The following CYTH3 variants were observed in gnomAD, a reference collection of about 807,000 sequenced individuals.
The protein encoded by CYTH3 is cytohesin-3.
CYTH3 carries 23 observed loss-of-function variants against 55.1 expected under a neutral mutation model. That is an observed-to-expected ratio of 0.42 (90% CI 0.30 to 0.59). CYTH3 has a LOEUF of 0.59. Ranked by LOEUF, CYTH3 falls within the 20% of genes least tolerant of loss-of-function variation. CYTH3 has a pLI of 0.20. For missense variants in CYTH3, 413 were observed against 524.8 expected (o/e 0.79, Z 2.08); for synonymous variants, 249 against 194.9 (o/e 1.28, Z -2.31).
chr7:6,257,350 T>A (rs1450174060), intron 1 of CYTH3, among the ~76,000 whole-genome samples: 3 of 152,202 alleles, frequency 2.0e-5, no homozygotes, highest in Non-Finnish European at 4.4e-5. Context: ...CTCAAAAAAA[T>A]TTTAATCTAA....
At chr7:6,269,268 C>G (rs1453276551) in intron 1 of CYTH3, among the ~76,000 whole-genome samples, 1 of 152,172 alleles carries the variant, frequency 6.6e-6, no homozygotes, top group African/African-American at 2.4e-5. Context: ...ATGTTTGAAA[C>G]GACCTTGCCG....
chr7:6,173,007 T>G (rs1421065772), intron 6 of CYTH3: 1 of 1,084,320 alleles, frequency 9.2e-7, no homozygotes, highest in East Asian at 8.9e-5. Flanking sequence ...ATTTTCTTAG[T>G]CCAAGGGCCG....
chr7:6,194,752 G>A (rs1441059231), intron 1 of CYTH3, among the ~76,000 whole-genome samples: 3 of 152,154 alleles, frequency 2.0e-5, no homozygotes, highest in African/African-American at 4.8e-5. Context: ...CAAGGCAGGC[G>A]GATCATGACG....
At chr7:6,177,802 T>G (rs753266367) in intron 5 of CYTH3, 21 bp downstream of exon 5, 4 of 1,588,494 alleles carry the variant, frequency 2.5e-6, no homozygotes, top group Non-Finnish European at 3.5e-6. Flanking sequence ...AGGTAGGGCT[T>G]TGCATCCTCC....
chr7:6,213,154 G>A (rs1185966588), intron 1 of CYTH3, among the ~76,000 whole-genome samples: 4 of 152,202 alleles, frequency 2.6e-5, no homozygotes, highest in Non-Finnish European at 4.4e-5. Flanking sequence ...ACCAAGAACC[G>A]TGACTAGCAC....
chr7:6,222,876 T>A (rs1215999113), intron 1 of CYTH3, among the ~76,000 whole-genome samples: 1 of 151,958 alleles, frequency 6.6e-6, no homozygotes, highest in Non-Finnish European at 1.5e-5. Flanking sequence ...AAACAGCTAA[T>A]ATGACAAAAG....
chr7:6,182,919 G>C (rs1783545887), intron 4 of CYTH3, among the ~76,000 whole-genome samples: 1 of 152,146 alleles, frequency 6.6e-6, no homozygotes, highest in Non-Finnish European at 1.5e-5. Context: ...TGCTTGGTGG[G>C]TGTTTGTCTT....
intron 1 of CYTH3, among the ~76,000 whole-genome samples, chr7:6,195,672 A>C (rs1403965174): frequency 9.2e-5 from 14 of 152,126 alleles, no homozygotes; most frequent in Non-Finnish European, 2.1e-4. Context: ...ATGTCAAGCA[A>C]TGAATGAGGA....
rs942061474 is a variant in CYTH3 at position 6,169,612 on chromosome 7, C to G, written c.823+923G>C. Among the ~76,000 whole-genome samples the G allele has an allele frequency of 1.3e-5, 2 of 152,220 alleles. No homozygotes were observed. The highest frequency in any genetic ancestry group is 1.3e-4 in the Admixed American group (2 of 15,276). The stretch of plus-strand genomic sequence containing the variant: ...AAGGCTTGCGTGAACCCAGCTACCG[C>G]ATCTCGCCCGCTTCACTGTGGGCAT... On this transcript the variant is annotated intron_variant, in intron 9 of 12. Transcript: ENST00000350796. This position sits in a 1 kb window ranked among gnomAD's most constrained non-coding sequence, Gnocchi z 4.1.
At chr7:6,225,621 G>A (rs1779229028) in intron 1 of CYTH3, among the ~76,000 whole-genome samples, 1 of 151,782 alleles carries the variant, frequency 6.6e-6, no homozygotes, top group Non-Finnish European at 1.5e-5. Context: ...CTCTCAAAGT[G>A]CTGGGATTAC....
Position 6,171,068 on chromosome 7 carries a change from C to A in CYTH3, c.563-90G>T. The A allele has an allele frequency of 6.3e-7, 1 of 1,591,728 alleles. No homozygotes were observed. Among genetic ancestry groups the A allele is most frequent in the South Asian group, 1.1e-5 (1 of 89,380 alleles). ...TGGGGGCCCGCCTGCAAGAGGTGCC[C>A]GGCCCACAGGTCGTCCTCGCTCAGG... On this transcript the variant is annotated intron_variant, in intron 7 of 12. Coordinates refer to ENST00000350796, the MANE Select transcript of CYTH3 (RefSeq NM_004227.4). This position sits in a 1 kb window ranked among gnomAD's most constrained non-coding sequence, Gnocchi z 6.7.
intron 1 of CYTH3, 64 bp downstream of exon 1, chr7:6,272,410 G>GGGGGGGGGCCCCCCCCCC: frequency 1.6e-6 from 2 of 1,216,616 alleles, no homozygotes; most frequent in Non-Finnish European, 2.1e-6. Flanking sequence ...CCGCGCCCTC[G>GGGGGGGGGCCCCCCCCCC]ACCCCCAGCC....
Position 6,171,344 on chromosome 7 carries a change from G to A in CYTH3, c.450-30C>T, listed in dbSNP as rs765538773. 6 of 1,605,916 alleles carry A rather than the reference G, an allele frequency of 3.7e-6. No individual in the cohort carries two copies. Among genetic ancestry groups the A allele is most frequent in the Non-Finnish European group, 3.4e-6 (4 of 1,173,124 alleles). On this transcript the variant is annotated intron_variant, in intron 6 of 12. Transcript: ENST00000350796. The surrounding 1 kb of genome is among the most constrained non-coding windows in gnomAD (Gnocchi z 6.7). ...GGAGACACCAAAGCCATGGGAAGCC[G>A]CATCAGAACCAACACCGCCTCACGG... is the stretch of plus-strand genomic sequence containing the variant.
At chr7:6,180,003 CAG>C (rs769495182) in intron 4 of CYTH3, among the ~76,000 whole-genome samples, 5 of 152,076 alleles carry the variant, frequency 3.3e-5, no homozygotes, top group Admixed American at 2.6e-4. Context: ...TCCCTGAAAA[CAG>C]AGCCTAGGGC....
At chr7:6,238,487 T>A (rs1182478579) in intron 1 of CYTH3, among the ~76,000 whole-genome samples, 1 of 152,206 alleles carries the variant, frequency 6.6e-6, no homozygotes, top group Non-Finnish European at 1.5e-5. Flanking sequence ...GCTGTATGCT[T>A]AGTAAATACA....
At chr7:6,179,594 ACACACACAC>A (rs1272523501) in intron 4 of CYTH3, among the ~76,000 whole-genome samples, 50 of 138,444 alleles carry the variant, frequency 3.6e-4, no homozygotes, top group African/African-American at 1.5e-3. Context: ...ACAGACACAC[ACACACACAC>A]CACACACCAC....
intron 2 of CYTH3, among the ~76,000 whole-genome samples, chr7:6,189,901 T>C (rs1045362873): frequency 4.0e-5 from 6 of 151,754 alleles, no homozygotes; most frequent in African/African-American, 1.5e-4. Context: ...CTGGGTGTGG[T>C]GGTGGGTGCC....
intron 1 of CYTH3, among the ~76,000 whole-genome samples, chr7:6,228,181 T>C (rs59226075): frequency 0.012 from 1,898 of 152,346 alleles, 39 homozygotes; most frequent in African/African-American, 0.043. Context: ...CCTCCAGCCA[T>C]TTCTGCTCAC....
intron 1 of CYTH3, among the ~76,000 whole-genome samples, chr7:6,229,257 CAT>C (rs1189669043): frequency 4.6e-5 from 7 of 152,204 alleles, no homozygotes; most frequent in South Asian, 2.1e-4. Flanking sequence ...CCTAATTTTA[CAT>C]ATGTCTAAAT....
Sources: gnomAD v4.1 joint callset for allele counts (sites outside exome capture counted in the v4.1 genomes callset) on GRCh38, gnomAD v4.1.1 for gene constraint, Gnocchi (gnomAD v3.1) non-coding constraint, MANE v1.5 for transcripts, NCBI Gene and HGNC (gene_info 2026-07-23, HGNC 2026-07-21) for gene names.